Variants in SSPN observed in about 807,000 individuals in gnomAD.
SSPN encodes the protein K-ras oncogene-associated protein.
In SSPN, 15 loss-of-function variants were observed where a neutral mutation model predicts 19.1. That is an observed-to-expected ratio of 0.78 (90% CI 0.52 to 1.21). SSPN has a LOEUF of 1.21. Among genes scored for constraint, SSPN ranks in the 50% most tolerant of loss-of-function variants. The probability of loss-of-function intolerance (pLI) is 0.00; values close to 1 mark genes in which losing one functional copy is unlikely to be tolerated. For missense variants in SSPN, 291 were observed against 314.0 expected (o/e 0.93, Z 0.55); for synonymous variants, 147 against 140.3 (o/e 1.05, Z -0.34).
At chr12:26,223,425 G>A (rs1945143694) in intron 1 of SSPN, among the ~76,000 whole-genome samples, 1 of 152,188 alleles carries the variant, frequency 6.6e-6, no homozygotes, top group South Asian at 2.1e-4. Context: ...GGCCAGGCTG[G>A]TCTCAAACTC....
intron 1 of SSPN, among the ~76,000 whole-genome samples, chr12:26,212,353 C>T (rs1166886314): frequency 6.6e-6 from 1 of 152,270 alleles, no homozygotes; most frequent in African/African-American, 2.4e-5. Flanking sequence ...TGTCTTTTCT[C>T]TTTAGATCCT....
At chr12:26,122,732 G>T in intron 1 of SSPN, 1 of 1,590,548 alleles carries the variant, frequency 6.3e-7, no homozygotes. Context: ...TGGTGACGCG[G>T]CTCGCCCCCG....
At chr12:26,194,124 A>T (rs116656240), upstream of SSPN, among the ~76,000 whole-genome samples, 5,308 of 152,278 alleles carry the variant, frequency 0.035, 142 homozygotes, top group Middle Eastern at 0.13. Flanking sequence ...ACCAAAGGAG[A>T]TATAAATACC....
chr12:26,207,327 A>G (rs1376006122), intron 1 of SSPN, among the ~76,000 whole-genome samples: 1 of 152,220 alleles, frequency 6.6e-6, no homozygotes, highest in Non-Finnish European at 1.5e-5. Context: ...ATAATAACAT[A>G]GAAAAAAATG....
At chr12:26,199,663 G>A (rs73292989) in intron 1 of SSPN, among the ~76,000 whole-genome samples, 32,979 of 152,126 alleles carry the variant, frequency 0.22, 3,996 homozygotes, top group African/African-American at 0.31. Flanking sequence ...GATGAAAAAT[G>A]TGTAAGGATT....
Position 26,174,475 on chromosome 12 carries a change from G to GCTTC in SSPN, c.-30-49792_-30-49789dup, listed in dbSNP as rs763960839. Among the ~76,000 whole-genome samples the GCTTC allele has an allele frequency of 1.1e-3, 136 of 121,990 alleles. 1 individual carries two copies. Among genetic ancestry groups the GCTTC allele is most frequent in the Admixed American group, 4.2e-3 (54 of 12,994 alleles). The allele number at this position is 121,990 out of a possible 152,430, so 80.0% of individuals were successfully genotyped here. A position where few individuals can be genotyped will look rare whatever the true frequency, so the allele number is the denominator to read the frequency against. ...CCTCCTTCCCCATCCTGCTACCCAC[G>GCTTC]CTTCCTTCCTTCCTTCCTTCCTTCC... On this transcript the variant is annotated intron_variant, in intron 1 of 2. Coordinates refer to the SSPN transcript ENST00000538142.
At chr12:26,202,306 G>T (rs897704012) in intron 1 of SSPN, among the ~76,000 whole-genome samples, 1 of 152,112 alleles carries the variant, frequency 6.6e-6, no homozygotes, top group East Asian at 1.9e-4. Context: ...TTCAAACACA[G>T]ACAAATTTAT....
chr12:26,225,876 T>TC (rs1246519241), intron 2 of SSPN, among the ~76,000 whole-genome samples: 5 of 150,840 alleles, frequency 3.3e-5, no homozygotes, highest in African/African-American at 4.9e-5. Context: ...ACCCTCATTT[T>TC]CCCCCCAGAT....
intron 1 of SSPN, among the ~76,000 whole-genome samples, chr12:26,190,156 C>T (rs1220037981): frequency 1.3e-5 from 2 of 152,180 alleles, no homozygotes; most frequent in East Asian, 1.9e-4. Flanking sequence ...TGGTATGCTT[C>T]CTTTCAATAG....
At chr12:26,137,369 G>A (rs191608743) in intron 1 of SSPN, among the ~76,000 whole-genome samples, 13 of 152,146 alleles carry the variant, frequency 8.5e-5, no homozygotes, top group Non-Finnish European at 5.9e-5. Context: ...TTAGAGAAGC[G>A]AGGCTTCATT....
intron 1 of SSPN, among the ~76,000 whole-genome samples, chr12:26,130,061 G>A (rs1260675444): frequency 6.6e-6 from 1 of 152,100 alleles, no homozygotes; most frequent in Non-Finnish European, 1.5e-5. Flanking sequence ...TGATTGAGGT[G>A]GATCCATAAT....
intron 1 of SSPN, among the ~76,000 whole-genome samples, chr12:26,147,538 T>C (rs924507679): frequency 6.6e-6 from 1 of 152,178 alleles, no homozygotes; most frequent in Non-Finnish European, 1.5e-5. Flanking sequence ...CCCAAAGTGC[T>C]GAGATTACCA....
intron 1 of SSPN, among the ~76,000 whole-genome samples, chr12:26,128,166 ATAAGTGTTAAC>A (rs747690509): frequency 1.3e-5 from 2 of 152,218 alleles, no homozygotes; most frequent in Non-Finnish European, 2.9e-5. Context: ...GTGGTAAGGT[ATAAGTGTTAAC>A]TAGCTGCTTC....
chr12:26,122,830 C>T (rs894987632), intron 1 of SSPN: 2 of 1,581,600 alleles, frequency 1.3e-6, no homozygotes, highest in Non-Finnish European at 1.7e-6. Flanking sequence ...GCGGCGAGCT[C>T]GGCGCTGGGC....
chr12:26,210,939 C>T (rs1211964782), intron 1 of SSPN, among the ~76,000 whole-genome samples: 1 of 151,942 alleles, frequency 6.6e-6, no homozygotes, highest in African/African-American at 2.4e-5. Flanking sequence ...TACTTTATTG[C>T]ATTGTTTGGG....
At chr12:26,187,949 A>C (rs1237283054) in intron 1 of SSPN, among the ~76,000 whole-genome samples, 1 of 152,200 alleles carries the variant, frequency 6.6e-6, no homozygotes, top group African/African-American at 2.4e-5. Flanking sequence ...ATTGCACAGA[A>C]AGATAATGCA....
chr12:26,208,279 TG>T (rs1420486541), intron 1 of SSPN, among the ~76,000 whole-genome samples: 8 of 152,190 alleles, frequency 5.3e-5, no homozygotes, highest in African/African-American at 1.9e-4. Flanking sequence ...CCTCCACCAG[TG>T]GTAAATCAGA....
intron 1 of SSPN, among the ~76,000 whole-genome samples, chr12:26,133,495 C>T (rs1189633620): frequency 6.6e-6 from 1 of 152,094 alleles, no homozygotes; most frequent in Non-Finnish European, 1.5e-5. Flanking sequence ...TAAAAACCAC[C>T]CTAGATATTT....
chr12:26,195,530 C>T (rs1944818279), upstream of SSPN: 1 of 1,255,302 alleles, frequency 8.0e-7, no homozygotes, highest in Non-Finnish European at 1.0e-6. Flanking sequence ...TTTGGAGGCT[C>T]GGTGAGTCGG....
Sources: allele counts gnomAD v4.1 joint callset (sites outside exome capture counted in the v4.1 genomes callset), GRCh38; gene constraint gnomAD v4.1.1; transcripts MANE v1.5; gene names NCBI Gene and HGNC (gene_info 2026-07-23, HGNC 2026-07-21).